Variants in SEC23IP observed in about 807,000 individuals in gnomAD.
The protein encoded by SEC23IP is SEC23 interacting protein.
SEC23IP carries 70 observed loss-of-function variants against 113.4 expected under a neutral mutation model. That is an observed-to-expected ratio of 0.62 (90% CI 0.51 to 0.75). SEC23IP has a LOEUF of 0.75. SEC23IP is among the 30% of genes least tolerant of loss of function. SEC23IP has a pLI of 0.00. For synonymous variants in SEC23IP, 398 were observed against 421.0 expected (o/e 0.95, Z 0.67); for missense variants, 1,160 against 1,204.9 (o/e 0.96, Z 0.55).
intron 5 of SEC23IP, among the ~76,000 whole-genome samples, chr10:119,909,822 T>G (rs1366841796): frequency 6.6e-6 from 1 of 151,996 alleles, no homozygotes; most frequent in African/African-American, 2.4e-5. Context: ...CCCAAGAGTT[T>G]GAGATTGTAG....
At chr10:119,901,706 T>C (rs1854504829) in intron 2 of SEC23IP, among the ~76,000 whole-genome samples, 1 of 152,206 alleles carries the variant, frequency 6.6e-6, no homozygotes. Flanking sequence ...TTATTTATTG[T>C]TTGAGACAGA....
intron 18 of SEC23IP, among the ~76,000 whole-genome samples, chr10:119,935,314 AG>A (rs763791160): frequency 1.9e-4 from 29 of 152,264 alleles, no homozygotes; most frequent in Non-Finnish European, 3.1e-4. Context: ...TACAAAAATT[AG>A]CCGGGCATGG....
At chr10:119,903,103 C>G in intron 3 of SEC23IP, 94 bp downstream of exon 3, 1 of 1,032,396 alleles carries the variant, frequency 9.7e-7, no homozygotes, top group Non-Finnish European at 1.4e-6. Context: ...ATGTCAAATA[C>G]CTTAATCCTT....
chr10:119,919,351 A>T, intron 10 of SEC23IP, 93 bp from the exon 11 acceptor site: 1 of 1,213,146 alleles, frequency 8.2e-7, no homozygotes, highest in Non-Finnish European at 1.1e-6. Flanking sequence ...TTTCTGTGTA[A>T]AGCAAAATTG....
chr10:119,930,240 GTA>G, intron 14 of SEC23IP, 87 bp from the exon 15 acceptor site: 1 of 613,636 alleles, frequency 1.6e-6, no homozygotes, highest in Non-Finnish European at 2.8e-6. Flanking sequence ...GATTTGCCAT[GTA>G]TCCATTTTCT....
chr10:119,912,307 A>AT, intron 6 of SEC23IP, 143 bp downstream of exon 6: 1 of 945,832 alleles, frequency 1.1e-6, no homozygotes, highest in South Asian at 1.9e-5. Context: ...TAATATTTCT[A>AT]TTTTTTGTAG....
Position 119,909,095 on chromosome 10 carries a change from C to T in SEC23IP, c.1156C>T (p.Pro386Ser), listed in dbSNP as rs1405121974. The change falls in exon 5 of 19, where the codon CCA (proline) becomes TCA (serine). Residue 386 changes from proline to serine, a missense_variant. Transcript: ENST00000369075. ...TCAGTGGCACCGAAGATTAGAGTTT[C>T]CAAGTGGAGAGACAATTGTTATGCA... is the stretch of plus-strand genomic sequence containing the variant. ...TNQWHRRLEF[P>S]SGETIVMHNP... The T allele has an allele frequency of 6.2e-7, 1 of 1,612,980 alleles. No homozygotes were observed. Among genetic ancestry groups the T allele is most frequent in the African/African-American group, 1.3e-5 (1 of 74,828 alleles).
At position 119,898,500 on chromosome 10, in the gene SEC23IP, A is replaced by G. The variant is rs780270679; in HGVS notation, c.237A>G (p.Thr79=). 6.2e-7 allele frequency: 1 copy of G among 1,614,108 alleles called. No homozygotes were observed. The highest frequency in any genetic ancestry group is 8.5e-7 in the Non-Finnish European group (1 of 1,180,026). ...CTATTCACACATCTGCCCCACAGAC[A>G]TTTAGTTACTTCTCTCAGGTATCAA... is the stretch of plus-strand genomic sequence containing the variant. ...QTSIHTSAPQ[T]FSYFSQVSSS... is the part of the protein sequence containing the mutation. Residue 79 remains threonine (T), a synonymous_variant, in exon 2 of 19, where the codon ACA becomes ACG. Coordinates refer to ENST00000369075, the MANE Select transcript of SEC23IP (RefSeq NM_007190.4).
chr10:119,928,625 C>G (rs1218014274), intron 13 of SEC23IP, among the ~76,000 whole-genome samples: 1 of 152,180 alleles, frequency 6.6e-6, no homozygotes, highest in African/African-American at 2.4e-5. Flanking sequence ...TTTCTATGGA[C>G]CTCTGTTGAA....
chr10:119,912,866 C>T (rs1854913286), intron 6 of SEC23IP, among the ~76,000 whole-genome samples: 2 of 152,134 alleles, frequency 1.3e-5, no homozygotes, highest in South Asian at 4.1e-4. Flanking sequence ...GTCTCAAACT[C>T]CTGGCCTCAA....
rs746343782 is a variant in SEC23IP at position 119,898,958 on chromosome 10, C to T, written c.695C>T (p.Pro232Leu). Residue 232 changes from proline to leucine, a missense_variant and splice_region_variant, in exon 2 of 19, where the codon CCG becomes CTG. Transcript: ENST00000369075. Reference protein sequence around the residue: ...MYQMPPGSLPPVPSSVQSPAQ... With the variant: ...MYQMPPGSLPLVPSSVQSPAQ... ...CAGATGCCTCCAGGATCTTTGCCAC[C>T]GGTATGGAGACATGATTTTGTGTCC... is the stretch of plus-strand genomic sequence containing the variant. 2.8e-5 allele frequency: 44 copies of T among 1,557,348 alleles called. No homozygotes were observed. Among genetic ancestry groups the T allele is most frequent in the African/African-American group, 6.8e-5 (5 of 73,550 alleles).
intron 6 of SEC23IP, among the ~76,000 whole-genome samples, 164 bp downstream of exon 6, chr10:119,912,328 T>C (rs1854891049): frequency 6.6e-6 from 1 of 152,156 alleles, no homozygotes; most frequent in Non-Finnish European, 1.5e-5. Flanking sequence ...AGATGAAGTT[T>C]TGCCATGTTG....
chr10:119,918,139 T>G (rs1031533911), intron 9 of SEC23IP, 95 bp downstream of exon 9: 15 of 1,052,058 alleles, frequency 1.4e-5, no homozygotes, highest in African/African-American at 3.2e-5. Context: ...AATTAAGAAT[T>G]ACAGATTTTA....
chr10:119,927,260 A>G (rs1855452480), intron 13 of SEC23IP, among the ~76,000 whole-genome samples: 1 of 152,208 alleles, frequency 6.6e-6, no homozygotes, highest in Non-Finnish European at 1.5e-5. Flanking sequence ...TTGGAGAGAT[A>G]ATGACTTATT....
In SEC23IP at chr10:119,929,607, G is replaced by C; in HGVS notation, c.2314G>C (p.Val772Leu). The C allele has an allele frequency of 6.2e-7, 1 of 1,603,872 alleles. No homozygotes were observed. The highest frequency in any genetic ancestry group is 1.7e-5 in the Admixed American group (1 of 58,650). Residue 772 changes from valine to leucine, a missense_variant and splice_region_variant, in exon 14 of 19, where the codon GTT becomes CTT. Val to Leu is a conservative substitution (Grantham distance 32, BLOSUM62 1). Transcript: ENST00000369075. ...TTCATTGTTATTTGATTCTTTCCAG[G>C]TTTCTGTTGCTTACAACTCATTAGA... ...YESFEVGAGQ[V>L]SVAYNSLDFE... is the part of the protein sequence containing the mutation.
At chr10:119,910,092 G>A (rs369514885) in intron 5 of SEC23IP, among the ~76,000 whole-genome samples, 106 of 152,272 alleles carry the variant, frequency 7.0e-4, no homozygotes, top group African/African-American at 2.5e-3. Context: ...CTCTGCCACC[G>A]TGGTGTGAAA....
intron 4 of SEC23IP, among the ~76,000 whole-genome samples, chr10:119,906,683 C>T (rs1479224322): frequency 6.6e-6 from 1 of 152,104 alleles, no homozygotes; most frequent in Non-Finnish European, 1.5e-5. Context: ...TCAAGCGATT[C>T]TCCTGCCTCA....
intron 18 of SEC23IP, 42 bp downstream of exon 18, chr10:119,933,829 C>A: frequency 9.7e-7 from 1 of 1,026,096 alleles, no homozygotes; most frequent in Non-Finnish European, 1.5e-6. Context: ...TGAATGTTTG[C>A]ATTCTCAAAT....
rs368172134 is a variant in SEC23IP at position 119,896,054 on chromosome 10, G to T, written c.164-2373G>T. Among the ~76,000 whole-genome samples the T allele has an allele frequency of 8.5e-5, 13 of 152,222 alleles. No individual in the cohort carries two copies. In the East Asian group the frequency reaches 1.5e-3, roughly 18 times the overall value. ...TGGAATAAGGTTGACTGTAGCAAGA[G>T]GATTCAGTTGGGAGGCATAGTGAGA... On this transcript the variant is annotated intron_variant, in intron 1 of 18. Coordinates refer to ENST00000369075, the MANE Select transcript of SEC23IP (RefSeq NM_007190.4).
Sources: gnomAD v4.1 joint callset for allele counts (sites outside exome capture counted in the v4.1 genomes callset) on GRCh38, gnomAD v4.1.1 for gene constraint, MANE v1.5 for transcripts, NCBI Gene and HGNC (gene_info 2026-07-23, HGNC 2026-07-21) for gene names.